The following ARHGEF33 variants were observed in gnomAD, a reference collection of about 807,000 sequenced individuals.
ARHGEF33 encodes DH and coiled-coil domain-containing protein ENSP00000381780.
Under a neutral mutation model 101.9 loss-of-function variants are expected in ARHGEF33, and 72 were observed. That is an observed-to-expected ratio of 0.71 (90% confidence interval 0.58 to 0.86). ARHGEF33 has a LOEUF of 0.86. Ranked by LOEUF, ARHGEF33 falls within the 40% of genes least tolerant of loss-of-function variation. The pLI is 0.00. For missense variants in ARHGEF33, 1,169 were observed against 1,111.3 expected, an observed-to-expected ratio of 1.05 and a Z score of -0.74; for synonymous variants, 499 against 442.5, an observed-to-expected ratio of 1.13 and a Z score of -1.60.
chr2:38,943,348 G>C (rs1363561599), intron 9 of ARHGEF33, among the ~76,000 whole-genome samples: 1 of 152,172 alleles, frequency 6.6e-6, no homozygotes, highest in Non-Finnish European at 1.5e-5. Context: ...CTGGCACTCT[G>C]GGATCTACAG....
chr2:38,926,280 C>G (rs2124995817), intron 4 of ARHGEF33, among the ~76,000 whole-genome samples: 1 of 152,326 alleles, frequency 6.6e-6, no homozygotes, highest in African/African-American at 2.4e-5. Flanking sequence ...ACACCCATTT[C>G]TAATCCTTGG....
At position 38,914,874 on chromosome 2, in the gene ARHGEF33, G is replaced by A. The variant is rs531735708; in HGVS notation, c.-85-4489G>A. ...TACCAGAGATTATTAACATCAGTTGGGATTGGGGAGGAACACTTTTACCTC... is the reference window on the plus strand; with the variant it reads ...TACCAGAGATTATTAACATCAGTTGAGATTGGGGAGGAACACTTTTACCTC... On this transcript the variant is annotated intron_variant, in intron 2 of 17. Transcript: ENST00000409978. Among the ~76,000 whole-genome samples, 16 of 151,974 alleles carry A rather than the reference G, an allele frequency of 1.1e-4. No homozygotes were observed. The East Asian group carries it at 2.9e-3, about 28-fold the overall frequency.
At chr2:38,950,072 G>A (rs1667560752) in intron 10 of ARHGEF33, among the ~76,000 whole-genome samples, 1 of 152,150 alleles carries the variant, frequency 6.6e-6, no homozygotes, top group Non-Finnish European at 1.5e-5. Context: ...TGAGAGTTGG[G>A]CAGGGACACA....
chr2:38,897,467 G>C (rs947294284), intron 2 of ARHGEF33, among the ~76,000 whole-genome samples: 1 of 152,150 alleles, frequency 6.6e-6, no homozygotes, highest in Admixed American at 6.5e-5. Context: ...AAGAACTCTA[G>C]AACTCACTCT....
intron 2 of ARHGEF33, among the ~76,000 whole-genome samples, chr2:38,897,716 G>A (rs976158049): frequency 1.5e-4 from 23 of 152,212 alleles, no homozygotes; most frequent in Non-Finnish European, 5.9e-5. Flanking sequence ...TATAATGGAA[G>A]TGTAGACAAG....
chr2:38,929,777 A>G lies in ARHGEF33; in HGVS notation c.309A>G (p.Lys103=). The change falls in exon 6 of 18, where the codon AAA becomes AAG. Residue 103 remains lysine (K), a synonymous_variant. Coordinates refer to ENST00000409978, the MANE Select transcript of ARHGEF33 (RefSeq NM_001145451.5). ...CCAAACAAGAAGAAATGCAACAGAAAATCGAGCAGCTTCAACAGGAGAAGC... is the reference window on the plus strand; with the variant it reads ...CCAAACAAGAAGAAATGCAACAGAAGATCGAGCAGCTTCAACAGGAGAAGC... ...ITSKQEEMQQ[K]IEQLQQEKRR... 6.4e-7 allele frequency: 1 copy of G among 1,551,798 alleles called. No homozygotes were observed.
intron 2 of ARHGEF33, among the ~76,000 whole-genome samples, chr2:38,906,119 A>T (rs1666381350): frequency 6.7e-6 from 1 of 148,634 alleles, no homozygotes; most frequent in Non-Finnish European, 1.5e-5. Flanking sequence ...TGGAGCCAAG[A>T]TTGTGCCAAG....
intron 8 of ARHGEF33, among the ~76,000 whole-genome samples, chr2:38,936,147 C>T (rs760481750): frequency 1.3e-5 from 2 of 152,224 alleles, no homozygotes; most frequent in South Asian, 2.1e-4. Context: ...GTAAGTTTTC[C>T]GTGGATCACA....
chr2:38,905,894 G>T (rs1275397485), intron 2 of ARHGEF33, among the ~76,000 whole-genome samples: 2 of 152,156 alleles, frequency 1.3e-5, no homozygotes, highest in Non-Finnish European at 2.9e-5. Context: ...TGCTTAAGCA[G>T]CCCTAGAATA....
rs747776456 is a variant in ARHGEF33 at position 38,950,970 on chromosome 2, G to T, written c.921-19G>T. The T allele has an allele frequency of 1.3e-6, 2 of 1,550,202 alleles. No homozygotes were observed. Among genetic ancestry groups the T allele is most frequent in the South Asian group, 2.4e-5 (2 of 83,562 alleles). Reference sequence around the variant, plus strand: ...CTCTACACCTTGTTTGTGTGATTCCGTCTCTATTCTGTTTCAAGCCTCTTC... The same window carrying T: ...CTCTACACCTTGTTTGTGTGATTCCTTCTCTATTCTGTTTCAAGCCTCTTC... On this transcript the variant is annotated intron_variant, in intron 10 of 17. Coordinates refer to ENST00000409978, the MANE Select transcript of ARHGEF33 (RefSeq NM_001145451.5).
In ARHGEF33 at chr2:38,960,573, C is replaced by T. The variant is rs751712431; in HGVS notation, c.2268C>T (p.Ala756=). 7 of 1,291,520 alleles carry T rather than the reference C, an allele frequency of 5.4e-6. No individual in the cohort carries two copies. Among genetic ancestry groups the T allele is most frequent in the Admixed American group, 3.2e-5 (1 of 31,096 alleles). 80.0% of individuals were successfully genotyped at this position (1,291,520 alleles called of 1,614,324 possible). Residue 756 remains alanine (A), a synonymous_variant, in exon 16 of 18, where the codon GCC becomes GCT. Transcript: ENST00000409978. ...GCCCGGCCGCCGCCGCCGTCGCCGCCCGCGGCGCATCCAGGACCTTCTTCC... is the reference window on the plus strand; with the variant it reads ...GCCCGGCCGCCGCCGCCGTCGCCGCTCGCGGCGCATCCAGGACCTTCTTCC... ...AHGPAAAAVA[A]RGASRTFFPQ...
At chr2:38,952,118 A>G (rs547766884) in intron 11 of ARHGEF33, among the ~76,000 whole-genome samples, 1 of 152,332 alleles carries the variant, frequency 6.6e-6, no homozygotes, top group South Asian at 2.1e-4. Context: ...ATTTTGTGGG[A>G]AATTTTCTTA....
intron 16 of ARHGEF33, among the ~76,000 whole-genome samples, chr2:38,963,536 G>C (rs888339111): frequency 1.4e-4 from 21 of 152,150 alleles, no homozygotes; most frequent in African/African-American, 3.6e-4. Context: ...TATCTCACAG[G>C]GTTGTTGGGA....
chr2:38,965,669 A>G (rs1338389007), intron 16 of ARHGEF33, among the ~76,000 whole-genome samples: 1 of 152,214 alleles, frequency 6.6e-6, no homozygotes, highest in South Asian at 2.1e-4. Flanking sequence ...ATAATAATTT[A>G]TTCACTCGTG....
At position 38,925,663 on chromosome 2, in the gene ARHGEF33, T is replaced by G. The variant is rs1666854435; in HGVS notation, c.76-3244T>G. 1.3e-5 allele frequency among the ~76,000 whole-genome samples: 2 copies of G among 152,224 alleles called. 1 individual carries two copies. The highest frequency in any genetic ancestry group is 4.1e-4 in the South Asian group (2 of 4,828). On this transcript the variant is annotated intron_variant, in intron 4 of 17. Coordinates refer to ENST00000409978, the MANE Select transcript of ARHGEF33 (RefSeq NM_001145451.5). The stretch of plus-strand genomic sequence containing the variant: ...TTGGCAGAAAACTCGTGTTGCTTCT[T>G]CAGTGACCCTGGTTTAGGGGGAAAC...
chr2:38,924,350 C>A (rs966422692), intron 4 of ARHGEF33, among the ~76,000 whole-genome samples: 2 of 152,090 alleles, frequency 1.3e-5, no homozygotes, highest in East Asian at 3.8e-4. Context: ...CTGCACATAC[C>A]CCTCTCAAAG....
intron 10 of ARHGEF33, among the ~76,000 whole-genome samples, chr2:38,946,713 C>T (rs764791371): frequency 6.6e-6 from 1 of 152,196 alleles, no homozygotes; most frequent in Non-Finnish European, 1.5e-5. Flanking sequence ...GTAACCTCCA[C>T]TTCCCGGGTT....
intron 2 of ARHGEF33, among the ~76,000 whole-genome samples, chr2:38,896,223 C>CT (rs1389422773): frequency 2.0e-5 from 3 of 152,222 alleles, no homozygotes; most frequent in Non-Finnish European, 4.4e-5. Flanking sequence ...ACTGCAACCT[C>CT]TGCCTTCCAG....
chr2:38,944,674 C>A (rs975118322), intron 10 of ARHGEF33, among the ~76,000 whole-genome samples: 1 of 152,120 alleles, frequency 6.6e-6, no homozygotes, highest in African/African-American at 2.4e-5. Context: ...GGAACAAATG[C>A]TACAGTGAGG....
Sources: allele counts gnomAD v4.1 joint callset (sites outside exome capture counted in the v4.1 genomes callset), GRCh38; gene constraint gnomAD v4.1.1; transcripts MANE v1.5; gene names NCBI Gene and HGNC (gene_info 2026-07-23, HGNC 2026-07-21).